HIVEP3: variants seen among roughly 807,000 people sequenced by gnomAD.
The protein encoded by HIVEP3 is HIVEP zinc finger 3, also known as transcription factor HIVEP3.
A neutral mutation model predicts 152.8 loss-of-function variants in HIVEP3; 49 were observed. That is an observed-to-expected ratio of 0.32 (90% confidence interval 0.26 to 0.41). The LOEUF (loss-of-function observed/expected upper bound fraction) is 0.41, where lower values mean the gene tolerates loss of function less well. Among genes scored for constraint, HIVEP3 ranks in the 10% least tolerant of loss-of-function variants. HIVEP3 has a pLI of 1.00. For synonymous variants in HIVEP3, 1,269 were observed against 1,289.0 expected, an observed-to-expected ratio of 0.98 and a Z score of 0.33; for missense variants, 2,790 against 3,103.3, an observed-to-expected ratio of 0.90 and a Z score of 2.40.
At chr1:41,589,951 G>A (rs1025219091) in intron 3 of HIVEP3, among the ~76,000 whole-genome samples, 1 of 152,168 alleles carries the variant, frequency 6.6e-6, no homozygotes, top group African/African-American at 2.4e-5. Flanking sequence ...AGGGCACAAG[G>A]CCACAGGCTG....
At chr1:41,735,348 T>A (rs908492842) in intron 1 of HIVEP3, among the ~76,000 whole-genome samples, 1 of 152,232 alleles carries the variant, frequency 6.6e-6, no homozygotes, top group Non-Finnish European at 1.5e-5. Context: ...AAGAAGATGA[T>A]GACGATGAAG....
intron 1 of HIVEP3, among the ~76,000 whole-genome samples, chr1:41,844,230 C>T (rs1386928939): frequency 6.6e-6 from 1 of 152,234 alleles, no homozygotes; most frequent in African/African-American, 2.4e-5. Flanking sequence ...TGGAAAACAA[C>T]AACCCCTTCA....
intron 2 of HIVEP3, among the ~76,000 whole-genome samples, chr1:41,637,756 C>CT (rs980313585): frequency 4.6e-5 from 7 of 152,070 alleles, no homozygotes; most frequent in Non-Finnish European, 7.4e-5. Flanking sequence ...CCATACTGTT[C>CT]TTTTTTTAAG....
rs771308254 is a variant in HIVEP3, at chr1:41,918,259, G to A, written c.-801+154C>T. Reference sequence around the variant, plus strand: ...CCCACCCGGCCGGCCCCTGCGTCTCGGCAGCCGGACACCTTGCCTAAGAAA... The same window carrying A: ...CCCACCCGGCCGGCCCCTGCGTCTCAGCAGCCGGACACCTTGCCTAAGAAA... On this transcript the variant is annotated intron_variant, in intron 1 of 8. Coordinates refer to ENST00000372583, the MANE Select transcript of HIVEP3 (RefSeq NM_024503.5). The surrounding 1 kb of genome is among the most constrained non-coding windows in gnomAD (Gnocchi z 4.3). Among the ~76,000 whole-genome samples, 1 of 152,230 alleles carries A rather than the reference G, an allele frequency of 6.6e-6. No individual in the cohort carries two copies. The highest frequency in any genetic ancestry group is 1.5e-5 in the Non-Finnish European group (1 of 68,042).
At chr1:41,653,697 A>G (rs1645586282) in intron 2 of HIVEP3, among the ~76,000 whole-genome samples, 1 of 152,182 alleles carries the variant, frequency 6.6e-6, no homozygotes, top group South Asian at 2.1e-4. Flanking sequence ...AAATGTTCGC[A>G]TGCCAAGGCA....
At chr1:41,710,382 A>G (rs1422674374) in intron 1 of HIVEP3, among the ~76,000 whole-genome samples, 1 of 152,192 alleles carries the variant, frequency 6.6e-6, no homozygotes, top group Admixed American at 6.5e-5. Context: ...AGCCAACACC[A>G]TTTCTAAGGT....
intron 1 of HIVEP3, among the ~76,000 whole-genome samples, chr1:42,023,906 C>T (rs1466760110): frequency 6.6e-6 from 1 of 152,062 alleles, no homozygotes; most frequent in Non-Finnish European, 1.5e-5. Context: ...TCCATGAATC[C>T]CAGTACCATT....
chr1:41,529,450 ACC>A (rs1643164086), intron 5 of HIVEP3, among the ~76,000 whole-genome samples: 2 of 77,154 alleles, frequency 2.6e-5, no homozygotes, highest in African/African-American at 5.5e-5. Flanking sequence ...CACACCCCAC[ACC>A]CTCACACTCC....
intron 5 of HIVEP3, among the ~76,000 whole-genome samples, chr1:41,552,670 A>G (rs1643908790): frequency 6.6e-6 from 1 of 151,480 alleles, no homozygotes; most frequent in Admixed American, 6.6e-5. Context: ...TAATGCTACA[A>G]TAAACATACG....
intron 1 of HIVEP3, among the ~76,000 whole-genome samples, chr1:42,011,138 T>C (rs1447072986): frequency 6.6e-6 from 1 of 152,206 alleles, no homozygotes; most frequent in African/African-American, 2.4e-5. Context: ...TTAGCCACCA[T>C]TTCAGAAGAT....
In HIVEP3 at chr1:41,742,613, T is replaced by C. The variant is rs117442388; in HGVS notation, c.-800-41618A>G. Among the ~76,000 whole-genome samples the C allele has an allele frequency of 1.6e-3, 245 of 152,354 alleles. 6 individuals carry two copies. In the East Asian group the frequency reaches 0.042, roughly 26 times the overall value. On this transcript the variant is annotated intron_variant, in intron 1 of 8. Coordinates refer to ENST00000372583, the MANE Select transcript of HIVEP3 (RefSeq NM_024503.5). ...TTCACTAAGGTACATATCCCTAATG[T>C]GCACATGTATATACTGCCTGCCTCA...
intron 5 of HIVEP3, among the ~76,000 whole-genome samples, chr1:41,544,650 AC>A (rs1643622079): frequency 1.6e-4 from 23 of 147,408 alleles, no homozygotes; most frequent in African/African-American, 5.6e-4. Context: ...CACCACCACC[AC>A]TACCACCACT....
chr1:41,929,697 T>G (rs540299973), intron 1 of HIVEP3, among the ~76,000 whole-genome samples: 1 of 146,594 alleles, frequency 6.8e-6, no homozygotes, highest in Non-Finnish European at 1.5e-5. Context: ...TCTATCAGTG[T>G]ATATGTGTGA....
intron 1 of HIVEP3, among the ~76,000 whole-genome samples, chr1:41,939,468 T>C (rs937234611): frequency 6.6e-6 from 1 of 152,180 alleles, no homozygotes; most frequent in African/African-American, 2.4e-5. Flanking sequence ...AAGAAAGTGC[T>C]TAGTCCTTTT....
At chr1:41,714,958 C>A (rs1196070234) in intron 1 of HIVEP3, among the ~76,000 whole-genome samples, 1 of 152,136 alleles carries the variant, frequency 6.6e-6, no homozygotes. Flanking sequence ...GCACCATCTG[C>A]CCCAGCGACA....
At chr1:41,738,870 A>T (rs1043948683) in intron 1 of HIVEP3, among the ~76,000 whole-genome samples, 21 of 152,152 alleles carry the variant, frequency 1.4e-4, no homozygotes, top group Admixed American at 3.3e-4. Flanking sequence ...TGGAGAGAAA[A>T]CTCCCACATC....
intron 1 of HIVEP3, among the ~76,000 whole-genome samples, chr1:41,782,892 C>T (rs917833262): frequency 2.6e-5 from 4 of 152,098 alleles, no homozygotes; most frequent in East Asian, 3.9e-4. Flanking sequence ...CAGGTCAGAA[C>T]GGAGGAGCCT....
intron 1 of HIVEP3, among the ~76,000 whole-genome samples, chr1:41,981,324 C>T (rs2124510141): frequency 6.6e-6 from 1 of 152,340 alleles, no homozygotes; most frequent in South Asian, 2.1e-4. Context: ...GGCAAGATTC[C>T]TGAAGGACTC....
At chr1:41,655,513 G>A (rs185539192) in intron 2 of HIVEP3, among the ~76,000 whole-genome samples, 2 of 148,370 alleles carry the variant, frequency 1.3e-5, no homozygotes, top group Admixed American at 1.3e-4. Context: ...AACCCAGGAG[G>A]CGAAGGTTGT....
Sources: gnomAD v4.1 joint callset for allele counts (sites outside exome capture counted in the v4.1 genomes callset) on GRCh38, gnomAD v4.1.1 for gene constraint, Gnocchi (gnomAD v3.1) non-coding constraint, MANE v1.5 for transcripts, NCBI Gene and HGNC (gene_info 2026-07-23, HGNC 2026-07-21) for gene names.